The following NEDD4 variants were observed in gnomAD, a reference collection of about 807,000 sequenced individuals.
The protein encoded by NEDD4 is E3 ubiquitin-protein ligase NEDD4.
Under a neutral mutation model 144.9 loss-of-function variants are expected in NEDD4, and 99 were observed. The ratio of observed to expected loss-of-function variants is 0.68; its 90% CI spans 0.58 to 0.81. The LOEUF (loss-of-function observed/expected upper bound fraction) is 0.81. Ranked by LOEUF, NEDD4 falls within the 30% of genes least tolerant of loss-of-function variation. The probability of loss-of-function intolerance (pLI) is 0.00; values close to 1 mark genes in which losing one functional copy is unlikely to be tolerated. For missense variants in NEDD4, 985 were observed against 1,065.9 expected, an observed-to-expected ratio of 0.92 and a Z score of 1.06; for synonymous variants, 318 against 350.6, an observed-to-expected ratio of 0.91 and a Z score of 1.04.
At chr15:55,921,795 T>C (rs1393352593) in intron 5 of NEDD4, among the ~76,000 whole-genome samples, 1 of 152,240 alleles carries the variant, frequency 6.6e-6, no homozygotes, top group Admixed American at 6.5e-5. Context: ...ATATACACAG[T>C]AAATGCTTAA....
chr15:55,898,089 T>C (rs2035795126), intron 5 of NEDD4, among the ~76,000 whole-genome samples: 1 of 152,234 alleles, frequency 6.6e-6, no homozygotes, highest in Non-Finnish European at 1.5e-5. Flanking sequence ...CAAGTGGACT[T>C]AGATTCAGAT....
At chr15:55,962,048 A>G (rs1422299311) in intron 2 of NEDD4, among the ~76,000 whole-genome samples, 1 of 152,010 alleles carries the variant, frequency 6.6e-6, no homozygotes, top group Non-Finnish European at 1.5e-5. Context: ...TCAAATTTTG[A>G]TTCATATTTT....
Position 55,851,482 on chromosome 15 carries a change from G to GT in NEDD4, c.1147-741dup, listed in dbSNP as rs762627706. On this transcript the variant is annotated intron_variant, in intron 13 of 28. Coordinates refer to ENST00000435532, the MANE Select transcript of NEDD4 (RefSeq NM_006154.4). ...AACAATATTTTACATTTTCTTTTCT[G>GT]TTTTTTTTTTTCAGATGGAGTTTCG... 1.5e-3 allele frequency among the ~76,000 whole-genome samples: 218 copies of GT among 144,608 alleles called. 3 individuals are homozygous for GT. Among genetic ancestry groups the GT allele is most frequent in the East Asian group, 5.6e-3 (28 of 4,978 alleles). 94.9% of individuals were successfully genotyped at this position (144,608 alleles called of 152,430 possible). A position where few individuals can be genotyped will look rare whatever the true frequency, so the allele number is the denominator to read the frequency against.
At chr15:55,956,658 A>G (rs1028432096) in intron 2 of NEDD4, among the ~76,000 whole-genome samples, 7 of 152,014 alleles carry the variant, frequency 4.6e-5, no homozygotes, top group African/African-American at 1.7e-4. Flanking sequence ...TCTCCATTCC[A>G]CTGAACAATA....
intron 1 of NEDD4, among the ~76,000 whole-genome samples, chr15:55,978,419 C>G (rs1024309423): frequency 6.6e-6 from 1 of 152,130 alleles, no homozygotes; most frequent in Non-Finnish European, 1.5e-5. Context: ...AGAGAATTGT[C>G]AAATTAGTCT....
intron 4 of NEDD4, among the ~76,000 whole-genome samples, chr15:55,936,294 G>T (rs1334352778): frequency 1.3e-5 from 2 of 152,034 alleles, no homozygotes; most frequent in African/African-American, 4.8e-5. Context: ...TTTCATTGAG[G>T]GTAGGTACTG....
intron 23 of NEDD4, 96 bp from the exon 24 acceptor site, chr15:55,837,945 AC>A: frequency 9.4e-7 from 1 of 1,066,262 alleles, no homozygotes; most frequent in Non-Finnish European, 1.4e-6. Context: ...GCTAGCTGAG[AC>A]CAAGGTAAAA....
In NEDD4 at chr15:55,829,746, G is replaced by A. The variant is rs1259848143; in HGVS notation, c.*151C>T. 4.8e-5 allele frequency: 28 copies of A among 583,282 alleles called. No homozygotes were observed. The highest frequency in any genetic ancestry group is 3.7e-4 in the South Asian group (17 of 46,180). 36.1% of individuals were successfully genotyped at this position (583,282 alleles called of 1,614,324 possible). On this transcript the variant is annotated 3_prime_UTR_variant, in exon 29 of 29. Transcript: ENST00000435532. Reference sequence around the variant, plus strand: ...TAAAAGTGATTAAAAATAAGTTGTCGTACTATTTCTTCAAATGCTTTTTAT... The same window carrying A: ...TAAAAGTGATTAAAAATAAGTTGTCATACTATTTCTTCAAATGCTTTTTAT...
chr15:55,926,087 C>CTGT (rs1488370179), intron 4 of NEDD4, among the ~76,000 whole-genome samples: 5 of 151,694 alleles, frequency 3.3e-5, no homozygotes, highest in Non-Finnish European at 5.9e-5. Context: ...AATACATATA[C>CTGT]ATACTGTACA....
chr15:55,837,379 G>A (rs1447948128), intron 24 of NEDD4, among the ~76,000 whole-genome samples: 3 of 150,308 alleles, frequency 2.0e-5, no homozygotes, highest in South Asian at 2.1e-4. Flanking sequence ...GCAGTGAGCC[G>A]AGATCACGCC....
intron 5 of NEDD4, among the ~76,000 whole-genome samples, chr15:55,903,845 C>CAT (rs34829007): frequency 0.021 from 2,554 of 122,202 alleles, 51 homozygotes; most frequent in East Asian, 0.072. Context: ...AAAAAACACA[C>CAT]ATATATATAT....
At chr15:55,988,140 A>G (rs1595891573) in intron 1 of NEDD4, 1 of 140,636 alleles carries the variant, frequency 7.1e-6, no homozygotes, top group African/African-American at 2.7e-5. Context: ...AATACTATGC[A>G]GCCATAAAAA....
In NEDD4 at chr15:55,944,060, C is replaced by T. The variant is rs899545830; in HGVS notation, c.237+7316G>A. Among the ~76,000 whole-genome samples, 22 of 152,140 alleles carry T rather than the reference C, an allele frequency of 1.4e-4. 1 individual carries two copies. The highest frequency in any genetic ancestry group is 4.3e-4 in the African/African-American group (18 of 41,414). On this transcript the variant is annotated intron_variant, in intron 4 of 28. Coordinates refer to ENST00000435532, the MANE Select transcript of NEDD4 (RefSeq NM_006154.4). ...AGGAACAGCTCCTGTCTGCAGCTCCCGGTATGATTGACGCAGAAGACGGGT... is the reference window on the plus strand; with the variant it reads ...AGGAACAGCTCCTGTCTGCAGCTCCTGGTATGATTGACGCAGAAGACGGGT...
At chr15:55,865,034 C>T (rs1410670796) in intron 8 of NEDD4, among the ~76,000 whole-genome samples, 1 of 151,680 alleles carries the variant, frequency 6.6e-6, no homozygotes. Context: ...CCCATCTCTA[C>T]TAAAAATACA....
intron 28 of NEDD4, among the ~76,000 whole-genome samples, chr15:55,830,312 G>C (rs899310069): frequency 1.4e-4 from 22 of 152,216 alleles, no homozygotes; most frequent in Non-Finnish European, 4.4e-5. Context: ...GGGTCTCTCT[G>C]ATCTTCAGCT....
chr15:55,859,139 G>C (rs1337766603), intron 11 of NEDD4, among the ~76,000 whole-genome samples: 1 of 152,166 alleles, frequency 6.6e-6, no homozygotes, highest in Non-Finnish European at 1.5e-5. Context: ...GAAAGGCAGG[G>C]AAACCTCAAC....
chr15:55,919,764 G>A (rs561900234), intron 5 of NEDD4, among the ~76,000 whole-genome samples: 2 of 152,132 alleles, frequency 1.3e-5, no homozygotes, highest in Non-Finnish European at 2.9e-5. Flanking sequence ...AGAGCTGTTG[G>A]TTACTGATCA....
chr15:55,870,136 A>G (rs2034731225), intron 7 of NEDD4, among the ~76,000 whole-genome samples: 1 of 152,170 alleles, frequency 6.6e-6, no homozygotes. Context: ...TGTAAAGGGG[A>G]CTACAGGAGA....
intron 4 of NEDD4, among the ~76,000 whole-genome samples, chr15:55,950,653 C>T (rs140659714): frequency 2.6e-5 from 4 of 152,236 alleles, no homozygotes; most frequent in African/African-American, 4.8e-5. Flanking sequence ...AGTGGGTTAA[C>T]GAGCGTCCCG....
Sources: allele counts gnomAD v4.1 joint callset (sites outside exome capture counted in the v4.1 genomes callset), GRCh38; gene constraint gnomAD v4.1.1; transcripts MANE v1.5; gene names NCBI Gene and HGNC (gene_info 2026-07-23, HGNC 2026-07-21).